DLGAP5: variants seen among roughly 807,000 people sequenced by gnomAD.
DLGAP5 encodes disks large-associated protein 5.
A neutral mutation model predicts 99.6 loss-of-function variants in DLGAP5; 90 were observed. That is an observed-to-expected ratio of 0.90 (90% confidence interval 0.76 to 1.08). The LOEUF (loss-of-function observed/expected upper bound fraction) is 1.08. DLGAP5 is among the 50% of genes least tolerant of loss of function. DLGAP5 has a pLI of 0.00. For synonymous variants in DLGAP5, 311 were observed against 321.3 expected, an observed-to-expected ratio of 0.97 and a Z score of 0.34; for missense variants, 1,036 against 983.5, an observed-to-expected ratio of 1.05 and a Z score of -0.71.
chr14:55,187,627 C>CT (rs58942962), intron 2 of DLGAP5, among the ~76,000 whole-genome samples: 2 of 145,284 alleles, frequency 1.4e-5, no homozygotes, highest in Non-Finnish European at 3.0e-5. Flanking sequence ...TGATCCTTTT[C>CT]TTTTTTTTTT....
rs368884501 is a variant in DLGAP5, at chr14:55,186,837, G to T, written c.238+2105C>A. The stretch of plus-strand genomic sequence containing the variant: ...CTCCTCGATATGCACTTTTCTACTC[G>T]GTTTCTAGGATAGCACGTTCTTCTG... On this transcript the variant is annotated intron_variant, in intron 2 of 18. Coordinates refer to ENST00000247191, the MANE Select transcript of DLGAP5 (RefSeq NM_014750.5). Among the ~76,000 whole-genome samples, 14 of 152,306 alleles carry T rather than the reference G, an allele frequency of 9.2e-5. 1 individual carries two copies. Among genetic ancestry groups the T allele is most frequent in the African/African-American group, 3.4e-4 (14 of 41,566 alleles).
intron 2 of DLGAP5, among the ~76,000 whole-genome samples, chr14:55,187,567 T>C (rs1017207882): frequency 6.6e-6 from 1 of 152,086 alleles, no homozygotes; most frequent in Non-Finnish European, 1.5e-5. Context: ...TCCACCCGCC[T>C]TGGCCTCCCA....
At chr14:55,176,618 A>G in intron 8 of DLGAP5, among the ~76,000 whole-genome samples, 1 of 152,206 alleles carries the variant, frequency 6.6e-6, no homozygotes, top group East Asian at 1.9e-4. Flanking sequence ...TTAAAGAAAA[A>G]AATTGCATGA....
intron 12 of DLGAP5, among the ~76,000 whole-genome samples, chr14:55,166,428 T>C (rs1882644126): frequency 6.6e-6 from 1 of 152,164 alleles, no homozygotes; most frequent in South Asian, 2.1e-4. Flanking sequence ...GGCATCTTTT[T>C]ATACTGATGA....
At chr14:55,161,164 A>C (rs1882415216) in intron 13 of DLGAP5, among the ~76,000 whole-genome samples, 1 of 152,142 alleles carries the variant, frequency 6.6e-6, no homozygotes, top group African/African-American at 2.4e-5. Context: ...TAGCCTATAA[A>C]ATAAAGTAGG....
chr14:55,151,482 C>G (rs144438526), intron 17 of DLGAP5, among the ~76,000 whole-genome samples: 8 of 150,216 alleles, frequency 5.3e-5, no homozygotes, highest in Admixed American at 5.3e-4. Flanking sequence ...TGAGATCACA[C>G]GACTACACTC....
chr14:55,170,573 GA>G (rs143641977), intron 11 of DLGAP5, 128 bp downstream of exon 11: 1 of 761,024 alleles, frequency 1.3e-6, no homozygotes, highest in South Asian at 2.0e-5. Flanking sequence ...AGTTAAAAAA[GA>G]AAAAATTCTT....
chr14:55,148,457 C>T lies in DLGAP5; in HGVS notation c.2435G>A (p.Ser812Asn). The T allele has an allele frequency of 6.2e-7, 1 of 1,614,110 alleles. No individual in the cohort carries two copies. Among genetic ancestry groups the T allele is most frequent in the South Asian group, 1.1e-5 (1 of 91,074 alleles). Residue 812 changes from serine to asparagine, a missense_variant, in exon 19 of 19, where the codon AGT (serine) becomes AAT (asparagine). Physicochemically the swap from Ser to Asn is conservative, Grantham distance 46 (BLOSUM62 1). Coordinates refer to ENST00000247191, the MANE Select transcript of DLGAP5 (RefSeq NM_014750.5). ...CCTCTCCAGCTGAGTAAATGGATTA[C>T]TGCAGTTTAGACCTGGCTGGAGAAC... ...HLLDSPGLNC[S>N]NPFTQLERRH... is the part of the protein sequence containing the mutation.
At chr14:55,149,666 CAAGGT>C (rs1414191923) in intron 18 of DLGAP5, among the ~76,000 whole-genome samples, 1 of 152,036 alleles carries the variant, frequency 6.6e-6, no homozygotes, top group Non-Finnish European at 1.5e-5. Context: ...TGGAAAATTC[CAAGGT>C]AAGGCTGTAA....
At chr14:55,163,177 A>G (rs1228029836) in intron 12 of DLGAP5, 102 bp from the exon 13 acceptor site, 2 of 562,214 alleles carry the variant, frequency 3.6e-6, no homozygotes, top group Non-Finnish European at 5.7e-6. Flanking sequence ...TGATTCAGAA[A>G]TGATGAGTTA....
At chr14:55,164,739 T>C (rs1292153564) in intron 12 of DLGAP5, among the ~76,000 whole-genome samples, 1 of 151,672 alleles carries the variant, frequency 6.6e-6, no homozygotes, top group East Asian at 1.9e-4. Flanking sequence ...CCGGCCAACG[T>C]AGTGAAACCT....
At chr14:55,163,313 C>G (rs541883740) in intron 12 of DLGAP5, among the ~76,000 whole-genome samples, 9 of 152,272 alleles carry the variant, frequency 5.9e-5, no homozygotes, top group Admixed American at 1.3e-4. Context: ...AATAACTCTC[C>G]TAGATTATTT....
chr14:55,181,136 T>G, intron 5 of DLGAP5, 77 bp downstream of exon 5: 5 of 1,334,360 alleles, frequency 3.7e-6, no homozygotes, highest in Non-Finnish European at 5.2e-6. Context: ...CAAATTCCAG[T>G]TGACCTTCAA....
At chr14:55,177,938 G>A (rs1883136828) in intron 7 of DLGAP5, among the ~76,000 whole-genome samples, 1 of 151,714 alleles carries the variant, frequency 6.6e-6, no homozygotes, top group South Asian at 2.1e-4. Flanking sequence ...CAACAAATAC[G>A]TATCTTTTTA....
At chr14:55,180,561 A>G in intron 6 of DLGAP5, 95 bp downstream of exon 6, 1 of 1,537,146 alleles carries the variant, frequency 6.5e-7, no homozygotes, top group Non-Finnish European at 8.9e-7. Context: ...CTTCTCTCCT[A>G]CTCAAAGAAG....
rs1382369548 is a variant in DLGAP5, at chr14:55,158,690, T to C, written c.1705A>G (p.Arg569Gly). 1.9e-6 allele frequency: 3 copies of C among 1,614,142 alleles called. No homozygotes were observed. The highest frequency in any genetic ancestry group is 1.7e-5 in the Admixed American group (1 of 60,030). Residue 569 changes from arginine to glycine, a missense_variant, in exon 14 of 19, where the codon AGA becomes GGA. Arg to Gly is a moderately radical substitution (Grantham distance 125). Coordinates refer to ENST00000247191, the MANE Select transcript of DLGAP5 (RefSeq NM_014750.5). ...GCTAGGCGATTTCTCGCTGCAATTC[T>C]TCCAGCATCATCCTGTTTTGGTTTA... ...ASKPKQDDAG[R>G]IAARNRLAAI... is the part of the protein sequence containing the mutation.
chr14:55,189,164 A>T lies in DLGAP5; in HGVS notation c.16T>A (p.Phe6Ile). 6.2e-7 allele frequency: 1 copy of T among 1,612,896 alleles called. No individual in the cohort carries two copies. The change falls in exon 2 of 19, where the codon TTT becomes ATT. Residue 6 changes from phenylalanine to isoleucine, a missense_variant. Coordinates refer to ENST00000247191, the MANE Select transcript of DLGAP5 (RefSeq NM_014750.5). Reference sequence around the variant, plus strand: ...ATATCCTTCCTGTGTCGACTGGCAAAATGTGATGAAGACATCCTGTCAAGG... The same window carrying T: ...ATATCCTTCCTGTGTCGACTGGCAATATGTGATGAAGACATCCTGTCAAGG... The part of the protein sequence containing the change: MSSSH[F>I]ASRHRKDIST...
intron 14 of DLGAP5, among the ~76,000 whole-genome samples, chr14:55,155,442 G>A (rs2140306172): frequency 6.7e-6 from 1 of 148,158 alleles, no homozygotes; most frequent in South Asian, 2.2e-4. Flanking sequence ...CGCCTCCTGG[G>A]TTCAAGTGAT....
chr14:55,158,594 G>A lies in DLGAP5; in HGVS notation c.1801C>T (p.Pro601Ser), dbSNP rs757782338. Residue 601 changes from proline to serine, a missense_variant, in exon 14 of 19, where the codon CCA (proline) becomes TCA (serine). Pro to Ser is a moderately conservative substitution (Grantham distance 74). Transcript: ENST00000247191. ...ECAETAVSVI[P>S]KEVDKIVFDA... is the part of the protein sequence containing the mutation. ...AACACTATTTTATCAACTTCCTTTGGTATCACAGAAACTGCTGTTTCAGCA... is the reference window on the plus strand; with the variant it reads ...AACACTATTTTATCAACTTCCTTTGATATCACAGAAACTGCTGTTTCAGCA... 6.2e-7 allele frequency: 1 copy of A among 1,614,008 alleles called. No individual in the cohort carries two copies. The highest frequency in any genetic ancestry group is 1.1e-5 in the South Asian group (1 of 91,078).
Sources: gnomAD v4.1 joint callset for allele counts (sites outside exome capture counted in the v4.1 genomes callset) on GRCh38, gnomAD v4.1.1 for gene constraint, MANE v1.5 for transcripts, NCBI Gene and HGNC (gene_info 2026-07-23, HGNC 2026-07-21) for gene names.